Variants in DLG5 observed in about 807,000 individuals in gnomAD.
DLG5 encodes the protein disks large homolog 5.
A neutral mutation model predicts 189.8 loss-of-function variants in DLG5; 48 were observed. The ratio of observed to expected loss-of-function variants is 0.25; its 90% CI spans 0.20 to 0.32. DLG5 has a LOEUF of 0.32. Among genes scored for constraint, DLG5 ranks in the 10% least tolerant of loss-of-function variants. The probability of loss-of-function intolerance (pLI) is 1.00; values close to 1 mark genes in which losing one functional copy is unlikely to be tolerated. For synonymous variants in DLG5, 1,016 were observed against 1,054.1 expected (o/e 0.96, Z 0.70); for missense variants, 2,160 against 2,544.7 (o/e 0.85, Z 3.25).
At chr10:77,792,934 T>C (rs1424221510) in intron 31 of DLG5, 7 of 247,986 alleles carry the variant, frequency 2.8e-5, no homozygotes, top group South Asian at 1.2e-4. Flanking sequence ...AGAAAGATGA[T>C]GGCGCCAACT....
intron 7 of DLG5, 112 bp downstream of exon 7, chr10:77,841,769 C>T (rs1843427035): frequency 4.8e-6 from 6 of 1,261,550 alleles, no homozygotes; most frequent in African/African-American, 1.5e-5. Flanking sequence ...CAGTGAGAAG[C>T]CATTTACTCC....
At chr10:77,927,085 CA>C (rs1846725419), upstream of DLG5, 1 of 185,506 alleles carries the variant, frequency 5.4e-6, no homozygotes, top group East Asian at 1.7e-4. Flanking sequence ...CCCCCGTGGC[CA>C]CAGCCCCGCC....
intron 1 of DLG5, among the ~76,000 whole-genome samples, chr10:77,869,829 A>T (rs534393851): frequency 6.6e-6 from 1 of 152,082 alleles, no homozygotes; most frequent in Non-Finnish European, 1.5e-5. Context: ...TTGAATTCAA[A>T]TATCTTCAAA....
chr10:77,830,605 G>C, intron 10 of DLG5, 136 bp downstream of exon 10: 1 of 1,393,964 alleles, frequency 7.2e-7, no homozygotes, highest in Non-Finnish European at 9.7e-7. Flanking sequence ...TGCTGGGAAA[G>C]GATGCCTCAC....
chr10:77,863,714 G>A (rs749240252), intron 2 of DLG5, among the ~76,000 whole-genome samples: 3 of 152,190 alleles, frequency 2.0e-5, no homozygotes, highest in African/African-American at 7.2e-5. Flanking sequence ...CACTGGAGAA[G>A]GAGGCAGATT....
At chr10:77,914,371 AGGCG>A (rs1229625741) in intron 1 of DLG5, among the ~76,000 whole-genome samples, 1 of 151,954 alleles carries the variant, frequency 6.6e-6, no homozygotes, top group East Asian at 1.9e-4. Flanking sequence ...GTAGCTCCAG[AGGCG>A]GCAGCAGCAG....
At chr10:77,877,562 A>G (rs1448620257) in intron 1 of DLG5, among the ~76,000 whole-genome samples, 1 of 151,884 alleles carries the variant, frequency 6.6e-6, no homozygotes, top group Non-Finnish European at 1.5e-5. Flanking sequence ...TGGGGATGGG[A>G]GCAGGGAGGG....
At chr10:77,841,304 A>T (rs1218353804) in intron 7 of DLG5, among the ~76,000 whole-genome samples, 2 of 152,182 alleles carry the variant, frequency 1.3e-5, no homozygotes, top group Non-Finnish European at 2.9e-5. Flanking sequence ...TAGTGCTACC[A>T]AACATCCCAG....
chr10:77,792,968 G>T (rs1312247361), intron 31 of DLG5: 4 of 195,652 alleles, frequency 2.0e-5, no homozygotes, highest in Non-Finnish European at 4.2e-5. Context: ...TACTATAGGA[G>T]TTTGACAAAG....
chr10:77,907,510 T>C (rs1477811925), intron 1 of DLG5, among the ~76,000 whole-genome samples: 14 of 152,122 alleles, frequency 9.2e-5, no homozygotes, highest in Non-Finnish European at 1.0e-4. Flanking sequence ...GCCTGTGAGG[T>C]GGAGGTGGCC....
At chr10:77,917,944 G>A (rs1846415162) in intron 1 of DLG5, among the ~76,000 whole-genome samples, 1 of 151,742 alleles carries the variant, frequency 6.6e-6, no homozygotes, top group African/African-American at 2.4e-5. Flanking sequence ...GGAGAACCCA[G>A]GAGGCGGAGG....
intron 1 of DLG5, among the ~76,000 whole-genome samples, chr10:77,919,212 T>C (rs1325440216): frequency 6.6e-6 from 1 of 151,722 alleles, no homozygotes; most frequent in East Asian, 1.9e-4. Context: ...CAAGGCTCCA[T>C]CTCAAAACAA....
At chr10:77,853,252 G>A (rs7905351) in intron 5 of DLG5, 102 bp downstream of exon 5, 16 of 1,145,026 alleles carry the variant, frequency 1.4e-5, no homozygotes, top group Non-Finnish European at 3.4e-6. Flanking sequence ...ACAGATGTGA[G>A]CCAACGTGCC....
intron 27 of DLG5, among the ~76,000 whole-genome samples, chr10:77,799,178 C>T (rs1213108699): frequency 6.6e-6 from 1 of 152,168 alleles, no homozygotes; most frequent in East Asian, 1.9e-4. Context: ...AACAGCCTAT[C>T]CAAGGTCACA....
In DLG5 at chr10:77,830,797, T is replaced by C; in HGVS notation, c.1825A>G (p.Ile609Val). ...TCCCACTCCATGGAATCCGTGTCAA[T>C]GGCCGAGTCGTGGGAGCTGTGGGCC... ...LMAHSSHDSA[I>V]DTDSMEWETE... The change falls in exon 10 of 32, where the codon ATT (isoleucine) becomes GTT (valine). Residue 609 changes from isoleucine to valine, a missense_variant. Ile to Val is a conservative substitution (Grantham distance 29, BLOSUM62 3). This residue lies in a region of DLG5 where 664 missense variants were observed against 838.5 expected (regional missense o/e 0.79). Coordinates refer to ENST00000372391, the MANE Select transcript of DLG5 (RefSeq NM_004747.4). 2 of 1,614,204 alleles carry C rather than the reference T, an allele frequency of 1.2e-6. No homozygotes were observed. The highest frequency in any genetic ancestry group is 1.7e-6 in the Non-Finnish European group (2 of 1,180,030).
intron 2 of DLG5, among the ~76,000 whole-genome samples, chr10:77,865,666 G>T (rs558046088): frequency 6.6e-6 from 1 of 152,324 alleles, no homozygotes; most frequent in South Asian, 2.1e-4. Context: ...CCTGAAACGA[G>T]TGTGCAGTCC....
In DLG5 at chr10:77,926,578, C is replaced by T. The variant is rs1352542158; in HGVS notation, c.-58G>A. 3 of 1,184,938 alleles carry T rather than the reference C, an allele frequency of 2.5e-6. No homozygotes were observed. In the African/African-American group the frequency reaches 4.8e-5, roughly 19 times the overall value. 73.4% of individuals were successfully genotyped at this position (1,184,938 alleles called of 1,614,324 possible). The stretch of plus-strand genomic sequence containing the variant: ...CGCCTCCCGGGCCCCCCGAGGCCGG[C>T]GGGCGGGCAGGCGAGCACCTCGGCA... On this transcript the variant is annotated 5_prime_UTR_variant, in exon 1 of 32. Coordinates refer to ENST00000372391, the MANE Select transcript of DLG5 (RefSeq NM_004747.4). The surrounding 1 kb of genome is among the most constrained non-coding windows in gnomAD (Gnocchi z 5.2).
At chr10:77,814,505 A>ATATATATATATATATC (rs36102159) in intron 20 of DLG5, among the ~76,000 whole-genome samples, 10 of 110,260 alleles carry the variant, frequency 9.1e-5, no homozygotes, top group African/African-American at 1.3e-4. Context: ...ATATATATAT[A>ATATATATATATATATC]TCCAAAGGGT....
chr10:77,931,335 C>T (rs1846784588), upstream of DLG5, among the ~76,000 whole-genome samples: 1 of 151,988 alleles, frequency 6.6e-6, no homozygotes, highest in Non-Finnish European at 1.5e-5. Flanking sequence ...CTCACTACAG[C>T]CTCTAACTCC....
Sources: allele counts gnomAD v4.1 joint callset (sites outside exome capture counted in the v4.1 genomes callset), GRCh38; gene constraint gnomAD v4.1.1; regional missense constraint gnomAD v4.1.1; non-coding constraint Gnocchi (gnomAD v3.1); transcripts MANE v1.5; gene names NCBI Gene and HGNC (gene_info 2026-07-23, HGNC 2026-07-21).